Variants in RTTN observed in about 807,000 individuals in gnomAD.
RTTN encodes the protein rotatin.
RTTN carries 182 observed loss-of-function variants against 269.2 expected under a neutral mutation model. That is an observed-to-expected ratio of 0.68 (90% CI 0.60 to 0.76). The LOEUF (loss-of-function observed/expected upper bound fraction) is 0.76. Ranked by LOEUF, RTTN falls within the 30% of genes least tolerant of loss-of-function variation. The pLI is 0.00. For synonymous variants in RTTN, 1,006 were observed against 963.5 expected, an observed-to-expected ratio of 1.04 and a Z score of -0.82; for missense variants, 2,545 against 2,608.6, an observed-to-expected ratio of 0.98 and a Z score of 0.53.
At chr18:70,115,413 A>G (rs1352719814) in intron 26 of RTTN, among the ~76,000 whole-genome samples, 2 of 151,938 alleles carry the variant, frequency 1.3e-5, no homozygotes, top group South Asian at 2.1e-4. Flanking sequence ...GGAATATAAG[A>G]GGATTATTTC....
chr18:70,053,839 A>C (rs1399004169), intron 38 of RTTN, among the ~76,000 whole-genome samples: 1 of 152,246 alleles, frequency 6.6e-6, no homozygotes, highest in Non-Finnish European at 1.5e-5. Context: ...CCTTAGCCAT[A>C]GTTTATAAGA....
chr18:70,180,840 T>C (rs2061408032), intron 10 of RTTN, among the ~76,000 whole-genome samples: 1 of 152,228 alleles, frequency 6.6e-6, no homozygotes, highest in Non-Finnish European at 1.5e-5. Context: ...TATTCCTTTA[T>C]GCTTATCTCT....
intron 34 of RTTN, among the ~76,000 whole-genome samples, chr18:70,068,085 G>A (rs2058193312): frequency 6.6e-6 from 1 of 152,090 alleles, no homozygotes; most frequent in African/African-American, 2.4e-5. Context: ...CTAATATATT[G>A]CTATTTTAAT....
At chr18:70,011,147 T>C (rs1279884123) in intron 46 of RTTN, among the ~76,000 whole-genome samples, 1 of 152,188 alleles carries the variant, frequency 6.6e-6, no homozygotes, top group Non-Finnish European at 1.5e-5. Flanking sequence ...ACAGCCGAAT[T>C]CTACCAGGCA....
intron 46 of RTTN, among the ~76,000 whole-genome samples, chr18:70,010,959 C>A (rs1184379987): frequency 1.3e-5 from 2 of 152,170 alleles, no homozygotes; most frequent in Non-Finnish European, 2.9e-5. Context: ...ATTATAAACA[C>A]CTCTATGCAA....
chr18:70,074,141 T>TAAA, intron 33 of RTTN, 147 bp from the exon 34 acceptor site: 2 of 355,246 alleles, frequency 5.6e-6, no homozygotes, highest in Non-Finnish European at 1.0e-5. Flanking sequence ...GACCACTATT[T>TAAA]AAAAAAAAAA....
intron 35 of RTTN, among the ~76,000 whole-genome samples, chr18:70,064,722 T>G (rs2058086743): frequency 6.6e-6 from 1 of 152,148 alleles, no homozygotes; most frequent in Admixed American, 6.6e-5. Context: ...GTATAGGGTT[T>G]TTTTGCAAGA....
intron 34 of RTTN, 86 bp from the exon 35 acceptor site, chr18:70,066,008 C>G (rs2058123659): frequency 2.4e-6 from 2 of 848,452 alleles, no homozygotes; most frequent in Non-Finnish European, 3.5e-6. Flanking sequence ...TATCCTTAAA[C>G]AAGGAGGTTT....
intron 43 of RTTN, among the ~76,000 whole-genome samples, chr18:70,027,671 C>A (rs961859548): frequency 6.6e-6 from 1 of 152,108 alleles, no homozygotes; most frequent in African/African-American, 2.4e-5. Flanking sequence ...TACATCCAGT[C>A]ACAAGCATAA....
chr18:70,022,799 A>C (rs1355408764), intron 44 of RTTN, among the ~76,000 whole-genome samples: 1 of 152,024 alleles, frequency 6.6e-6, no homozygotes, highest in Non-Finnish European at 1.5e-5. Context: ...CTGTTATCTC[A>C]TTGGCTGCTC....
intron 10 of RTTN, among the ~76,000 whole-genome samples, chr18:70,178,730 ATAAAAGGT>A (rs1451339800): frequency 6.6e-6 from 1 of 152,138 alleles, no homozygotes; most frequent in African/African-American, 2.4e-5. Context: ...AACTTTGTGA[ATAAAAGGT>A]TAAAAGTTCA....
chr18:70,192,321 G>A (rs1483576062), intron 8 of RTTN, among the ~76,000 whole-genome samples: 1 of 152,102 alleles, frequency 6.6e-6, no homozygotes, highest in African/African-American at 2.4e-5. Context: ...TGCACCCAAG[G>A]ATAAGGTAAC....
chr18:70,088,171 G>A lies in RTTN; in HGVS notation c.4144-24C>T, dbSNP rs370687646. 18 of 1,582,406 alleles carry A rather than the reference G, an allele frequency of 1.1e-5. No individual in the cohort carries two copies. In the African/African-American group the frequency reaches 2.3e-4, roughly 20 times the overall value. ...ACCTGTTCAAATTAAAGAGAAAGTTGTTGAATCAAATAAGCCTTTTTCCTA... is the reference window on the plus strand; with the variant it reads ...ACCTGTTCAAATTAAAGAGAAAGTTATTGAATCAAATAAGCCTTTTTCCTA... On this transcript the variant is annotated intron_variant, in intron 30 of 48. Coordinates refer to ENST00000640769, the MANE Select transcript of RTTN (RefSeq NM_173630.4).
chr18:70,058,881 A>T (rs1407098411), intron 36 of RTTN, among the ~76,000 whole-genome samples: 1 of 152,224 alleles, frequency 6.6e-6, no homozygotes. Context: ...ATTACAATTG[A>T]ATGAGGTGAA....
intron 10 of RTTN, among the ~76,000 whole-genome samples, chr18:70,177,495 G>A (rs1357753271): frequency 6.6e-6 from 1 of 151,974 alleles, no homozygotes; most frequent in Non-Finnish European, 1.5e-5. Flanking sequence ...CATTAAATAT[G>A]AAGAAGAATC....
chr18:70,042,298 G>A (rs769562653), intron 40 of RTTN, among the ~76,000 whole-genome samples: 34 of 128,834 alleles, frequency 2.6e-4, no homozygotes, highest in Non-Finnish European at 4.8e-4. Flanking sequence ...TAGAATACGA[G>A]AAAAAATAAA....
chr18:70,055,318 T>TACACAC (rs143114816), intron 37 of RTTN, among the ~76,000 whole-genome samples: 10 of 149,912 alleles, frequency 6.7e-5, no homozygotes, highest in African/African-American at 2.4e-4. Flanking sequence ...CACACACACA[T>TACACAC]ACACACACAC....
In RTTN at chr18:70,176,657, C is replaced by T; in HGVS notation, c.1476+18G>A. 6.2e-7 allele frequency: 1 copy of T among 1,604,492 alleles called. No homozygotes were observed. Among genetic ancestry groups the T allele is most frequent in the Non-Finnish European group, 8.5e-7 (1 of 1,174,888 alleles). On this transcript the variant is annotated intron_variant, in intron 11 of 48. Transcript: ENST00000640769. ...TAATAGTCTGTAAAGTACAAATGAG[C>T]AGCATTGCCTGCCTTACCTTTTCAA...
At chr18:70,188,689 G>C (rs1299383209) in intron 9 of RTTN, among the ~76,000 whole-genome samples, 1 of 152,116 alleles carries the variant, frequency 6.6e-6, no homozygotes, top group South Asian at 2.1e-4. Context: ...AGCAACTAAA[G>C]GAATAAATGA....
Sources: gnomAD v4.1 joint callset for allele counts (sites outside exome capture counted in the v4.1 genomes callset) on GRCh38, gnomAD v4.1.1 for gene constraint, MANE v1.5 for transcripts, NCBI Gene and HGNC (gene_info 2026-07-23, HGNC 2026-07-21) for gene names.